ST7L: variants seen among roughly 807,000 people sequenced by gnomAD.
ST7L encodes the protein suppression of tumorigenicity 7 like, also known as suppressor of tumorigenicity 7 protein-like.
ST7L carries 57 observed loss-of-function variants against 72.5 expected under a neutral mutation model. That is an observed-to-expected ratio of 0.79 (90% CI 0.64 to 0.98). ST7L has a LOEUF of 0.98. Ranked by LOEUF, ST7L falls within the 50% of genes least tolerant of loss-of-function variation. ST7L has a pLI of 0.00. For synonymous variants in ST7L, 221 were observed against 240.9 expected (o/e 0.92, Z 0.77); for missense variants, 576 against 672.2 (o/e 0.86, Z 1.58).
At chr1:112,550,492 A>C in intron 13 of ST7L, 109 bp downstream of exon 13, 2 of 743,720 alleles carry the variant, frequency 2.7e-6, no homozygotes, top group Non-Finnish European at 4.4e-6. Context: ...AATAGTATTT[A>C]AACAGTGTCC....
chr1:112,517,953 T>C, the ST7L span: 1 of 154,910 alleles, frequency 6.5e-6, no homozygotes, highest in East Asian at 1.9e-4. Context: ...AAGCACATGA[T>C]CTGTCCCAGG....
intron 3 of ST7L, among the ~76,000 whole-genome samples, chr1:112,605,349 C>T (rs527781018): frequency 4.3e-4 from 65 of 151,656 alleles, no homozygotes; most frequent in Non-Finnish European, 8.0e-4. Flanking sequence ...GCCGAGATTG[C>T]GCTCCTGCAC....
chr1:112,588,117 A>G (rs1298205805), intron 6 of ST7L, among the ~76,000 whole-genome samples: 1 of 152,248 alleles, frequency 6.6e-6, no homozygotes, highest in Non-Finnish European at 1.5e-5. Flanking sequence ...TAGGATATAG[A>G]CATACAACTG....
rs571100219 is a variant in ST7L, at chr1:112,560,542, C to G, written c.1246-4524G>C. On this transcript the variant is annotated intron_variant, in intron 11 of 14. Transcript: ENST00000358039. ...CAAATTATAAGATTATTTATTTTAT[C>G]TCCTTCACAAACTGCTACTCAGGAA... Among the ~76,000 whole-genome samples the G allele has an allele frequency of 2.6e-5, 4 of 152,318 alleles. No individual in the cohort carries two copies. The South Asian group carries it at 8.3e-4, about 32-fold the overall frequency.
intron 9 of ST7L, among the ~76,000 whole-genome samples, chr1:112,578,688 C>T (rs1376520046): frequency 1.3e-5 from 2 of 152,080 alleles, no homozygotes; most frequent in African/African-American, 2.4e-5. Flanking sequence ...GCAGGAGAAT[C>T]GCTTGAACCT....
intron 4 of ST7L, 31 bp downstream of exon 4, chr1:112,600,763 C>T (rs373750865): frequency 8.8e-6 from 14 of 1,586,434 alleles, no homozygotes; most frequent in Non-Finnish European, 1.2e-5. Flanking sequence ...AAAACCAATG[C>T]CCTACTTATA....
chr1:112,551,132 G>A (rs1658057280), intron 12 of ST7L, among the ~76,000 whole-genome samples: 2 of 138,926 alleles, frequency 1.4e-5, no homozygotes, highest in South Asian at 2.3e-4. Flanking sequence ...CTTTCTATGA[G>A]CAGATCTTTT....
intron 11 of ST7L, among the ~76,000 whole-genome samples, chr1:112,572,481 GAAAAAGAA>G (rs1662310156): frequency 6.6e-6 from 1 of 151,728 alleles, no homozygotes; most frequent in African/African-American, 2.4e-5. Context: ...GCAGAAAAAA[GAAAAAGAA>G]GAAAAAAAAT....
chr1:112,603,367 A>G (rs1454645673), intron 3 of ST7L, among the ~76,000 whole-genome samples: 3 of 152,274 alleles, frequency 2.0e-5, no homozygotes, highest in Non-Finnish European at 2.9e-5. Flanking sequence ...AGATTTTCAC[A>G]TAACAGAGCA....
intron 2 of ST7L, among the ~76,000 whole-genome samples, chr1:112,612,545 G>C (rs1483668223): frequency 6.6e-6 from 1 of 152,118 alleles, no homozygotes; most frequent in African/African-American, 2.4e-5. Flanking sequence ...CAAAAGTATA[G>C]TCATGTTGGG....
At chr1:112,559,907 G>A (rs889555275) in intron 11 of ST7L, among the ~76,000 whole-genome samples, 6 of 151,830 alleles carry the variant, frequency 4.0e-5, no homozygotes, top group Admixed American at 1.3e-4. Flanking sequence ...GAAGCCGGGC[G>A]GTGGCAGTTG....
At chr1:112,567,296 G>A (rs1205414722) in intron 11 of ST7L, among the ~76,000 whole-genome samples, 1 of 151,886 alleles carries the variant, frequency 6.6e-6, no homozygotes, top group African/African-American at 2.4e-5. Context: ...TTCTTTTGTA[G>A]TATCTGTTCA....
rs1491445189 is a variant in ST7L at position 112,618,923 on chromosome 1, TCA to T, written c.189_190del (p.Cys63Ter). 4.5e-6 allele frequency: 7 copies of T among 1,564,594 alleles called. No individual in the cohort carries two copies. The highest frequency in any genetic ancestry group is 6.1e-6 in the Non-Finnish European group (7 of 1,155,036). ...GGTCCTCTCACCCGCTGCCAAATTCTCACACAGCCTCAAAGGGATCCTCAGGG... is the reference window on the plus strand; with the variant it reads ...GGTCCTCTCACCCGCTGCCAAATTCTCACAGCCTCAAAGGGATCCTCAGGG... On this transcript the variant is annotated stop_gained and frameshift_variant, in exon 1 of 15. Transcript: ENST00000358039. LOFTEE classifies it high-confidence loss of function.
At chr1:112,567,029 T>C (rs1661170930) in intron 11 of ST7L, among the ~76,000 whole-genome samples, 1 of 152,182 alleles carries the variant, frequency 6.6e-6, no homozygotes, top group Non-Finnish European at 1.5e-5. Context: ...GTATCAGAAA[T>C]TGCCAGTTTT....
At chr1:112,534,771 T>C (rs1654920962) in intron 14 of ST7L, among the ~76,000 whole-genome samples, 1 of 152,218 alleles carries the variant, frequency 6.6e-6, no homozygotes, top group East Asian at 1.9e-4. Flanking sequence ...GGGTTTCGAA[T>C]GAGTGATTTA....
At chr1:112,609,663 A>T (rs1258803894) in intron 3 of ST7L, among the ~76,000 whole-genome samples, 2 of 152,104 alleles carry the variant, frequency 1.3e-5, no homozygotes, top group Non-Finnish European at 2.9e-5. Flanking sequence ...CTCTACTAAA[A>T]ATACAAAATA....
intron 3 of ST7L, among the ~76,000 whole-genome samples, chr1:112,608,714 G>A (rs991716556): frequency 3.9e-5 from 6 of 152,086 alleles, no homozygotes; most frequent in Non-Finnish European, 8.8e-5. Context: ...TAGGGGTTCT[G>A]TAATTATTTT....
intron 3 of ST7L, among the ~76,000 whole-genome samples, chr1:112,602,775 G>A (rs1667625339): frequency 6.7e-6 from 1 of 148,158 alleles, no homozygotes; most frequent in South Asian, 2.1e-4. Context: ...GAGTGCAATG[G>A]TGCAATCTCC....
At chr1:112,520,653 A>G (rs1652823400), downstream of ST7L, 2 of 856,518 alleles carry the variant, frequency 2.3e-6, no homozygotes, top group Non-Finnish European at 3.6e-6. Context: ...CATAGGGACC[A>G]TGGTGTCCTG....
Sources: allele counts gnomAD v4.1 joint callset (sites outside exome capture counted in the v4.1 genomes callset), GRCh38; gene constraint gnomAD v4.1.1; transcripts MANE v1.5; gene names NCBI Gene and HGNC (gene_info 2026-07-23, HGNC 2026-07-21).